Variants in STARD13 observed in about 807,000 individuals in gnomAD.
The protein encoded by STARD13 is stAR-related lipid transfer protein 13.
Under a neutral mutation model 106.4 loss-of-function variants are expected in STARD13, and 62 were observed. The ratio of observed to expected loss-of-function variants is 0.58; its 90% CI spans 0.48 to 0.72. The LOEUF is 0.72. Among genes scored for constraint, STARD13 ranks in the 30% least tolerant of loss-of-function variants. The pLI is 0.00. For synonymous variants in STARD13, 565 were observed against 553.0 expected (o/e 1.02, Z -0.31); for missense variants, 1,387 against 1,424.0 (o/e 0.97, Z 0.42).
the STARD13 span, among the ~76,000 whole-genome samples, chr13:33,630,777 A>G: frequency 6.6e-6 from 1 of 152,168 alleles, no homozygotes; most frequent in Non-Finnish European, 1.5e-5. Flanking sequence ...TGGTACTGAG[A>G]GCCCATGAGT....
the STARD13 span, among the ~76,000 whole-genome samples, chr13:33,637,192 T>C: frequency 6.6e-6 from 1 of 152,170 alleles, no homozygotes; most frequent in Non-Finnish European, 1.5e-5. Flanking sequence ...AAATGACTAA[T>C]CAAGGTCTTA....
chr13:33,207,627 C>T (rs991094363), intron 1 of STARD13, among the ~76,000 whole-genome samples: 24 of 152,200 alleles, frequency 1.6e-4, no homozygotes, highest in Admixed American at 5.2e-4. Flanking sequence ...TTTCTACACT[C>T]ACCCCTCAAC....
the STARD13 span, among the ~76,000 whole-genome samples, chr13:33,673,316 A>G: frequency 6.6e-6 from 1 of 152,278 alleles, no homozygotes; most frequent in Non-Finnish European, 1.5e-5. Flanking sequence ...GGCTGTGAGT[A>G]CTGCTTGGCT....
the STARD13 span, among the ~76,000 whole-genome samples, chr13:33,499,611 TTC>T: frequency 4.8e-4 from 37 of 76,932 alleles, 3 homozygotes; most frequent in African/African-American, 1.8e-3. Flanking sequence ...TTCTTTCTTC[TTC>T]TTCTTCTTCT....
the STARD13 span, among the ~76,000 whole-genome samples, chr13:33,472,468 T>C: frequency 9.2e-5 from 14 of 152,124 alleles, no homozygotes; most frequent in Admixed American, 9.2e-4. Context: ...TCATGCATTG[T>C]GGTATGATTA....
At chr13:33,417,727 G>A in the STARD13 span, among the ~76,000 whole-genome samples, 1 of 152,182 alleles carries the variant, frequency 6.6e-6, no homozygotes, top group East Asian at 1.9e-4. Flanking sequence ...AATCCGTAGA[G>A]ACACAAAGTA....
chr13:33,268,571 G>A (rs188181198), intron 1 of STARD13, among the ~76,000 whole-genome samples: 9 of 152,266 alleles, frequency 5.9e-5, no homozygotes, highest in Admixed American at 2.0e-4. Flanking sequence ...CATTTTAGAC[G>A]AGGAAATAGG....
At chr13:33,282,957 G>A (rs1470546327) in intron 1 of STARD13, among the ~76,000 whole-genome samples, 3 of 152,122 alleles carry the variant, frequency 2.0e-5, no homozygotes, top group South Asian at 2.1e-4. Context: ...TTGAGCCCAG[G>A]AGGTCAATGC....
chr13:33,609,735 T>G, the STARD13 span, among the ~76,000 whole-genome samples: 351 of 151,860 alleles, frequency 2.3e-3, 2 homozygotes, highest in African/African-American at 8.1e-3. Flanking sequence ...CCCGGCTAAT[T>G]TTTTGTATTT....
At chr13:33,141,719 G>A (rs924258959) in intron 4 of STARD13, among the ~76,000 whole-genome samples, 2 of 152,058 alleles carry the variant, frequency 1.3e-5, no homozygotes, top group African/African-American at 4.8e-5. Context: ...TGGAAAAAAT[G>A]AGCCAGAAGT....
chr13:33,624,514 T>A, the STARD13 span, among the ~76,000 whole-genome samples: 2 of 152,052 alleles, frequency 1.3e-5, no homozygotes, highest in Non-Finnish European at 2.9e-5. Context: ...ACACCAAGAG[T>A]TCCTTCAAGT....
intron 5 of STARD13, among the ~76,000 whole-genome samples, chr13:33,128,274 C>A (rs191111587): frequency 3.3e-5 from 5 of 152,166 alleles, no homozygotes; most frequent in East Asian, 3.9e-4. Context: ...CATTGTCTTC[C>A]ATGTGTCTAC....
chr13:33,656,178 C>T, the STARD13 span, among the ~76,000 whole-genome samples: 1 of 152,136 alleles, frequency 6.6e-6, no homozygotes, highest in East Asian at 1.9e-4. Flanking sequence ...AGAATCTAAA[C>T]TCTGATTTGA....
chr13:33,215,236 A>G, intron 1 of STARD13, among the ~76,000 whole-genome samples: 1 of 151,936 alleles, frequency 6.6e-6, no homozygotes, highest in East Asian at 1.9e-4. Flanking sequence ...TCATCTGCAG[A>G]CATGTTTCTG....
At chr13:33,283,125 T>A (rs1891883564) in intron 1 of STARD13, among the ~76,000 whole-genome samples, 3 of 152,202 alleles carry the variant, frequency 2.0e-5, no homozygotes, top group South Asian at 4.1e-4. Flanking sequence ...TGTAGCACTT[T>A]GTTTCCACTA....
chr13:33,474,678 G>T, the STARD13 span, among the ~76,000 whole-genome samples: 3 of 152,110 alleles, frequency 2.0e-5, no homozygotes, highest in African/African-American at 7.2e-5. Context: ...TCTGGGTTTT[G>T]TATTTGTCTC....
chr13:33,670,956 C>T, the STARD13 span, among the ~76,000 whole-genome samples: 1 of 152,134 alleles, frequency 6.6e-6, no homozygotes, highest in Non-Finnish European at 1.5e-5. Context: ...TTCAATTTGC[C>T]TAAAAGCAAT....
chr13:33,244,086 T>C (rs1186364007), intron 1 of STARD13, among the ~76,000 whole-genome samples: 1 of 151,028 alleles, frequency 6.6e-6, no homozygotes, highest in Admixed American at 6.6e-5. Context: ...AATGCCAACA[T>C]GATGCTCAAA....
At chr13:33,495,163 T>G in the STARD13 span, among the ~76,000 whole-genome samples, 1 of 152,170 alleles carries the variant, frequency 6.6e-6, no homozygotes, top group African/African-American at 2.4e-5. Flanking sequence ...ACACAACACA[T>G]GAGAATAATA....
Sources: gnomAD v4.1 joint callset for allele counts (sites outside exome capture counted in the v4.1 genomes callset) on GRCh38, gnomAD v4.1.1 for gene constraint, MANE v1.5 for transcripts, NCBI Gene and HGNC (gene_info 2026-07-23, HGNC 2026-07-21) for gene names.